NICN1: variants seen among roughly 807,000 people sequenced by gnomAD.
The protein encoded by NICN1 is nicolin 1, tubulin polyglutamylase complex subunit, also known as nicolin-1.
A neutral mutation model predicts 26.3 loss-of-function variants in NICN1; 18 were observed. The observed-to-expected ratio is 0.68, with a 90% confidence interval of 0.47 to 1.01. NICN1 has a LOEUF of 1.01. Among genes scored for constraint, NICN1 ranks in the 50% least tolerant of loss-of-function variants. The probability of loss-of-function intolerance (pLI) is 0.00; values close to 1 mark genes in which losing one functional copy is unlikely to be tolerated. For synonymous variants in NICN1, 109 were observed against 111.0 expected (o/e 0.98, Z 0.11); for missense variants, 239 against 278.3 (o/e 0.86, Z 1.00).
intron 1 of NICN1, 101 bp from the exon 2 acceptor site, chr3:49,426,529 CTTTTTT>C: frequency 1.6e-6 from 1 of 643,800 alleles, no homozygotes; most frequent in Non-Finnish European, 2.5e-6. Flanking sequence ...CCCACCTTTT[CTTTTTT>C]TTTTTTTTTT....
Position 49,425,353 on chromosome 3 carries a change from G to A in NICN1, c.495+14C>T, listed in dbSNP as rs2049161932. On this transcript the variant is annotated intron_variant, in intron 4 of 5. Transcript: ENST00000273598. ...GCCATTCACACATGGTTCTTACCTAGGGTGAGGGCTTACCTCACGGAGGAG... is the reference window on the plus strand; with the variant it reads ...GCCATTCACACATGGTTCTTACCTAAGGTGAGGGCTTACCTCACGGAGGAG... 6.2e-7 allele frequency: 1 copy of A among 1,604,732 alleles called. No individual in the cohort carries two copies. Among genetic ancestry groups the A allele is most frequent in the South Asian group, 1.1e-5 (1 of 89,682 alleles).
At chr3:49,426,989 G>C (rs2107942685) in intron 1 of NICN1, among the ~76,000 whole-genome samples, 1 of 152,196 alleles carries the variant, frequency 6.6e-6, no homozygotes, top group South Asian at 2.1e-4. Flanking sequence ...GTACATATGA[G>C]GCCTGAAGGA....
At position 49,422,436 on chromosome 3, in the gene NICN1, T is replaced by TA. The variant is rs773988915; in HGVS notation, c.*2396dup. The TA allele has an allele frequency of 1.2e-5, 20 of 1,613,226 alleles. No homozygotes were observed. In the South Asian group the frequency reaches 1.3e-4, roughly 11 times the overall value. ...GAAAGCCCAGACGGGCCACCACACT[T>TA]ACAGCCCTCTGCATCGTCGCCTGCA... On this transcript the variant is annotated 3_prime_UTR_variant, in exon 6 of 6. Transcript: ENST00000273598.
At chr3:49,425,184 T>C (rs945670386) in intron 4 of NICN1, 131 bp from the exon 5 acceptor site, 2 of 843,914 alleles carry the variant, frequency 2.4e-6, no homozygotes, top group African/African-American at 3.4e-5. Context: ...TTATGAAACA[T>C]GAGGTTAGGG....
At position 49,422,374 on chromosome 3, in the gene NICN1, A is replaced by G; in HGVS notation, c.*2459T>C. ...CCTCTATCCCACCTGTGCGCAACTA[A>G]GTGGACGACACAAGGCCGGGGGGAA... On this transcript the variant is annotated 3_prime_UTR_variant, in exon 6 of 6. Transcript: ENST00000273598. 1.2e-6 allele frequency: 2 copies of G among 1,613,856 alleles called. No homozygotes were observed. Among genetic ancestry groups the G allele is most frequent in the South Asian group, 1.1e-5 (1 of 91,060 alleles).
Position 49,425,379 on chromosome 3 carries a change from T to A in NICN1, c.483A>T (p.Ala161=), listed in dbSNP as rs375746682. ...GGTGAGGGCTTACCTCACGGAGGAGTGCAGGTTGCTCACAGGGCACTGGGT... is the reference window on the plus strand; with the variant it reads ...GGTGAGGGCTTACCTCACGGAGGAGAGCAGGTTGCTCACAGGGCACTGGGT... ...LSHPVPCEQP[A]LLREGLPDPS... is the part of the protein sequence containing the mutation. The change falls in exon 4 of 6, where the codon GCA becomes GCT. Residue 161 remains alanine, a synonymous_variant. Coordinates refer to ENST00000273598, the MANE Select transcript of NICN1 (RefSeq NM_032316.3). 14 of 1,612,022 alleles carry A rather than the reference T, an allele frequency of 8.7e-6. No individual in the cohort carries two copies. In the African/African-American group the frequency reaches 1.5e-4, roughly 17 times the overall value.
Position 49,422,992 on chromosome 3 carries a change from G to C in NICN1, c.*1841C>G, listed in dbSNP as rs2049137448. The C allele has an allele frequency of 4.3e-6, 1 of 233,712 alleles. No individual in the cohort carries two copies. Among genetic ancestry groups the C allele is most frequent in the Non-Finnish European group, 8.7e-6 (1 of 114,560 alleles). The allele number at this position is 233,712 out of a possible 1,614,324, so 14.5% of individuals were successfully genotyped here. A position where few individuals can be genotyped will look rare whatever the true frequency, so the allele number is the denominator to read the frequency against. ...GATCTTACTGCATACCAGGCCCTCA[G>C]ATGGGGACACAGCCACGAATGAAGC... On this transcript the variant is annotated 3_prime_UTR_variant, in exon 6 of 6. Transcript: ENST00000273598.
intron 1 of NICN1, 60 bp from the exon 2 acceptor site, chr3:49,426,488 C>A: frequency 1.6e-6 from 2 of 1,268,786 alleles, no homozygotes; most frequent in South Asian, 1.3e-5. Flanking sequence ...CTGAAAAGCT[C>A]AAAGATCAAA....
intron 1 of NICN1, among the ~76,000 whole-genome samples, chr3:49,427,438 C>T (rs1345265480): frequency 6.6e-6 from 1 of 151,348 alleles, no homozygotes; most frequent in Non-Finnish European, 1.5e-5. Context: ...TTCAGGAGTT[C>T]GAGACCAGCC....
At chr3:49,426,984 T>C (rs1484793502) in intron 1 of NICN1, among the ~76,000 whole-genome samples, 1 of 152,012 alleles carries the variant, frequency 6.6e-6, no homozygotes, top group Non-Finnish European at 1.5e-5. Context: ...AAAATGTACA[T>C]ATGAGGCCTG....
chr3:49,424,829 C>G lies in NICN1; in HGVS notation c.*4G>C. 1 of 1,613,730 alleles carries G rather than the reference C, an allele frequency of 6.2e-7. No homozygotes were observed. Among genetic ancestry groups the G allele is most frequent in the Non-Finnish European group, 8.5e-7 (1 of 1,179,714 alleles). The stretch of plus-strand genomic sequence containing the variant: ...AGGCCAACATCTTGGCTAGGAGCAA[C>G]CATTCAAGTGTAGGAGAGCAAGTTC... On this transcript the variant is annotated 3_prime_UTR_variant, in exon 6 of 6. Transcript: ENST00000273598.
chr3:49,425,208 CA>C, intron 4 of NICN1, 155 bp from the exon 5 acceptor site: 1 of 819,820 alleles, frequency 1.2e-6, no homozygotes, highest in East Asian at 2.7e-5. Context: ...GATGTAGCCC[CA>C]CAACAGAGAT....
At position 49,422,635 on chromosome 3, in the gene NICN1, G is replaced by A. The variant is rs1318770587; in HGVS notation, c.*2198C>T. On this transcript the variant is annotated 3_prime_UTR_variant, in exon 6 of 6. Transcript: ENST00000273598. ...AGAATGCAGGAACCCGCAACCACAG[G>A]GAAGAAGCCTCCAGCTCTTTCGGCT... 8 of 722,506 alleles carry A rather than the reference G, an allele frequency of 1.1e-5. No individual in the cohort carries two copies. The East Asian group carries it at 1.9e-4, about 17-fold the overall frequency. 44.8% of individuals were successfully genotyped at this position (722,506 alleles called of 1,614,324 possible).
rs1452219313 is a variant in NICN1 at position 49,426,254 on chromosome 3, G to T, written c.307C>A (p.Gln103Lys). 6.2e-7 allele frequency: 1 copy of T among 1,613,816 alleles called. No homozygotes were observed. Among genetic ancestry groups the T allele is most frequent in the African/African-American group, 1.3e-5 (1 of 74,904 alleles). The change falls in exon 2 of 6, where the codon CAG becomes AAG. Residue 103 changes from glutamine to lysine, a missense_variant and splice_region_variant. Physicochemically the swap from Gln to Lys is moderately conservative, Grantham distance 53 (BLOSUM62 1). Coordinates refer to ENST00000273598, the MANE Select transcript of NICN1 (RefSeq NM_032316.3). ...AQEYVSLFKHQMLCDMARISE... is the reference protein window; with the variant it reads ...AQEYVSLFKHKMLCDMARISE... ...GGCCATCCTGAGGCCCAGCTGACCT[G>T]ATGCTTGAACAGCGATACATACTCC...
At chr3:49,426,208 A>G in intron 2 of NICN1, 44 bp downstream of exon 2, 1 of 1,592,510 alleles carries the variant, frequency 6.3e-7, no homozygotes, top group Non-Finnish European at 8.6e-7. Flanking sequence ...ACCTCTGGTA[A>G]GTCCTCATCT....
In NICN1 at chr3:49,422,439, A is replaced by T; in HGVS notation, c.*2394T>A. The T allele has an allele frequency of 6.2e-7, 1 of 1,613,348 alleles. No individual in the cohort carries two copies. Among genetic ancestry groups the T allele is most frequent in the Non-Finnish European group, 8.5e-7 (1 of 1,179,970 alleles). Reference sequence around the variant, plus strand: ...AGCCCAGACGGGCCACCACACTTACAGCCCTCTGCATCGTCGCCTGCAACG... The same window carrying T: ...AGCCCAGACGGGCCACCACACTTACTGCCCTCTGCATCGTCGCCTGCAACG... On this transcript the variant is annotated 3_prime_UTR_variant, in exon 6 of 6. Transcript: ENST00000273598.
rs1187967864 is a variant in NICN1, at chr3:49,422,565, A to C, written c.*2268T>G. Reference sequence around the variant, plus strand: ...GTCTCTCTCCGGAGCAAAGGATCTGAAGGGGGCGTGGGCAGCCCCAAGGGC... The same window carrying C: ...GTCTCTCTCCGGAGCAAAGGATCTGCAGGGGGCGTGGGCAGCCCCAAGGGC... On this transcript the variant is annotated 3_prime_UTR_variant, in exon 6 of 6. Transcript: ENST00000273598. 1 of 1,200,388 alleles carries C rather than the reference A, an allele frequency of 8.3e-7. No individual in the cohort carries two copies. The highest frequency in any genetic ancestry group is 1.2e-6 in the Non-Finnish European group (1 of 828,534). 74.4% of individuals were successfully genotyped at this position (1,200,388 alleles called of 1,614,324 possible). A position where few individuals can be genotyped will look rare whatever the true frequency, so the allele number is the denominator to read the frequency against.
In NICN1 at chr3:49,422,484, G is replaced by A; in HGVS notation, c.*2349C>T. The A allele has an allele frequency of 1.2e-6, 2 of 1,603,372 alleles. No homozygotes were observed. Among genetic ancestry groups the A allele is most frequent in the Middle Eastern group, 3.3e-4 (2 of 6,040 alleles). ...GCAACGAGTGCAGACGGCGCACAGA[G>A]GCCACCACACTGCCAGGCACGCCGG... On this transcript the variant is annotated 3_prime_UTR_variant, in exon 6 of 6. Transcript: ENST00000273598.
At chr3:49,426,100 G>T in intron 2 of NICN1, 104 bp from the exon 3 acceptor site, 1 of 1,110,422 alleles carries the variant, frequency 9.0e-7, no homozygotes, top group Non-Finnish European at 1.3e-6. Flanking sequence ...GCCTTGGGAA[G>T]GAAGGAACAG....
Sources: allele counts gnomAD v4.1 joint callset (sites outside exome capture counted in the v4.1 genomes callset), GRCh38; gene constraint gnomAD v4.1.1; transcripts MANE v1.5; gene names NCBI Gene and HGNC (gene_info 2026-07-23, HGNC 2026-07-21).